NRXN3: variants seen among roughly 807,000 people sequenced by gnomAD.
NRXN3 encodes neurexin 3.
A neutral mutation model predicts 137.6 loss-of-function variants in NRXN3; 32 were observed. The observed-to-expected ratio is 0.23, with a 90% confidence interval of 0.18 to 0.31. The LOEUF (loss-of-function observed/expected upper bound fraction) is 0.31, where lower values mean the gene tolerates loss of function less well. Ranked by LOEUF, NRXN3 falls within the 10% of genes least tolerant of loss-of-function variation. The pLI, the probability that NRXN3 is intolerant of heterozygous loss-of-function variation, is 1.00. For synonymous variants in NRXN3, 798 were observed against 784.5 expected, an observed-to-expected ratio of 1.02 and a Z score of -0.29; for missense variants, 1,574 against 2,062.5, an observed-to-expected ratio of 0.76 and a Z score of 4.59.
intron 20 of NRXN3, among the ~76,000 whole-genome samples, chr14:79,852,270 C>CACAT (rs2099393287): frequency 6.7e-6 from 1 of 148,852 alleles, no homozygotes; most frequent in African/African-American, 2.6e-5. Flanking sequence ...CACACACACA[C>CACAT]ACACACACAC....
chr14:78,691,924 A>T (rs1296983956), intron 6 of NRXN3, among the ~76,000 whole-genome samples: 1 of 152,208 alleles, frequency 6.6e-6, no homozygotes, highest in Non-Finnish European at 1.5e-5. Flanking sequence ...AGATAAAAGC[A>T]TGACCAATAA....
chr14:79,285,773 G>A (rs1002432477), intron 15 of NRXN3, among the ~76,000 whole-genome samples: 5 of 152,028 alleles, frequency 3.3e-5, no homozygotes, highest in African/African-American at 7.3e-5. Context: ...CACATTTTGA[G>A]GTACCAGGAA....
intron 15 of NRXN3, among the ~76,000 whole-genome samples, chr14:79,391,151 A>G (rs2094832115): frequency 6.6e-6 from 1 of 152,076 alleles, no homozygotes; most frequent in South Asian, 2.1e-4. Flanking sequence ...AATGTAATGG[A>G]CAAGAATGGC....
chr14:79,507,731 C>T (rs938409893), intron 16 of NRXN3, among the ~76,000 whole-genome samples: 11 of 152,072 alleles, frequency 7.2e-5, no homozygotes, highest in Non-Finnish European at 1.2e-4. Context: ...CACTCTGCAT[C>T]GTTGAATTTA....
At chr14:79,618,608 C>A (rs2098188265) in intron 16 of NRXN3, among the ~76,000 whole-genome samples, 1 of 151,994 alleles carries the variant, frequency 6.6e-6, no homozygotes, top group South Asian at 2.1e-4. Context: ...TTGATAGGCA[C>A]CTAGGTTGAT....
chr14:79,126,228 G>T (rs186246015), intron 15 of NRXN3, among the ~76,000 whole-genome samples: 1 of 151,890 alleles, frequency 6.6e-6, no homozygotes, highest in Non-Finnish European at 1.5e-5. Flanking sequence ...ACAATGTGCA[G>T]GTTAGTTACC....
At chr14:78,656,225 C>G (rs531716134) in intron 6 of NRXN3, among the ~76,000 whole-genome samples, 2 of 152,172 alleles carry the variant, frequency 1.3e-5, no homozygotes, top group South Asian at 4.1e-4. Flanking sequence ...GGCAGACACA[C>G]GCATAAATGC....
At chr14:78,178,759 C>T (rs887719225) in intron 1 of NRXN3, among the ~76,000 whole-genome samples, 2 of 152,116 alleles carry the variant, frequency 1.3e-5, no homozygotes, top group Admixed American at 6.5e-5. Context: ...GGGGTTAAAT[C>T]GCTTTTTTAG....
intron 16 of NRXN3, among the ~76,000 whole-genome samples, chr14:79,524,798 G>T (rs540829430): frequency 9.8e-5 from 15 of 152,296 alleles, no homozygotes; most frequent in African/African-American, 2.4e-4. Context: ...AGATACAGGA[G>T]AAATTGTTCA....
At chr14:79,283,566 G>A (rs556078070) in intron 15 of NRXN3, among the ~76,000 whole-genome samples, 2 of 152,232 alleles carry the variant, frequency 1.3e-5, no homozygotes, top group East Asian at 3.9e-4. Flanking sequence ...TTTATCCCAG[G>A]ACAGCCTAGA....
chr14:79,759,001 A>G (rs1336430872), intron 19 of NRXN3, among the ~76,000 whole-genome samples: 1 of 152,172 alleles, frequency 6.6e-6, no homozygotes, highest in Admixed American at 6.5e-5. Context: ...TCTACTAAAC[A>G]TTTTCAGTAT....
chr14:78,677,011 T>C (rs941936078), intron 6 of NRXN3, among the ~76,000 whole-genome samples: 2 of 152,198 alleles, frequency 1.3e-5, no homozygotes, highest in Non-Finnish European at 2.9e-5. Context: ...AAAATATTAC[T>C]GTTCATCGAC....
chr14:79,190,498 A>G (rs1159800552), intron 15 of NRXN3, among the ~76,000 whole-genome samples: 1 of 152,032 alleles, frequency 6.6e-6, no homozygotes, highest in East Asian at 1.9e-4. Flanking sequence ...AGTGGTTGCT[A>G]TTTTCTGGAG....
chr14:79,595,832 A>C (rs557739371), intron 16 of NRXN3, among the ~76,000 whole-genome samples: 1 of 152,226 alleles, frequency 6.6e-6, no homozygotes, highest in Non-Finnish European at 1.5e-5. Flanking sequence ...TCGTAATTGC[A>C]TATGTGGTTC....
intron 20 of NRXN3, among the ~76,000 whole-genome samples, chr14:79,837,486 AACCTGTGGGAAAAG>A (rs1279423269): frequency 6.6e-6 from 1 of 152,142 alleles, no homozygotes; most frequent in Non-Finnish European, 1.5e-5. Flanking sequence ...TAGGATGTAT[AACCTGTGGGAAAAG>A]ACCCAGCAGC....
At chr14:78,174,537 C>G (rs2059076991) in intron 1 of NRXN3, among the ~76,000 whole-genome samples, 1 of 152,148 alleles carries the variant, frequency 6.6e-6, no homozygotes, top group Admixed American at 6.5e-5. Context: ...TGTGTTTTGT[C>G]AAGCACCAGC....
chr14:79,229,050 C>G (rs1259448432), intron 15 of NRXN3, among the ~76,000 whole-genome samples: 3 of 152,090 alleles, frequency 2.0e-5, no homozygotes, highest in Non-Finnish European at 4.4e-5. Flanking sequence ...TAAAATCACA[C>G]AAATATTTAG....
At chr14:78,404,731 A>G (rs922862042) in intron 4 of NRXN3, among the ~76,000 whole-genome samples, 13 of 152,212 alleles carry the variant, frequency 8.5e-5, no homozygotes, top group Admixed American at 6.5e-5. Flanking sequence ...ATCAAAATAC[A>G]TACTTTTGGG....
intron 1 of NRXN3, among the ~76,000 whole-genome samples, chr14:78,223,154 G>A (rs914990208): frequency 6.6e-6 from 1 of 152,190 alleles, no homozygotes; most frequent in Admixed American, 6.5e-5. Context: ...GCAGAGTCAC[G>A]TGAAAATGTT....
Sources: gnomAD v4.1 joint callset for allele counts (sites outside exome capture counted in the v4.1 genomes callset) on GRCh38, gnomAD v4.1.1 for gene constraint, MANE v1.5 for transcripts, NCBI Gene and HGNC (gene_info 2026-07-23, HGNC 2026-07-21) for gene names.